Variants in KCNN2 observed in about 807,000 individuals in gnomAD.
KCNN2 encodes potassium calcium-activated channel subfamily N member 2, also known as small conductance calcium-activated potassium channel protein 2.
A neutral mutation model predicts 55.5 loss-of-function variants in KCNN2; 24 were observed. The ratio of observed to expected loss-of-function variants is 0.43; its 90% confidence interval spans 0.31 to 0.61. The LOEUF (loss-of-function observed/expected upper bound fraction) is 0.61. Among genes scored for constraint, KCNN2 ranks in the 20% least tolerant of loss-of-function variants. The pLI, the probability that KCNN2 is intolerant of heterozygous loss-of-function variation, is 0.08. For synonymous variants in KCNN2, 431 were observed against 336.1 expected (o/e 1.28, Z -3.09); for missense variants, 754 against 853.6 (o/e 0.88, Z 1.45).
At chr5:114,142,548 G>T (rs948365851) in intron 1 of KCNN2, among the ~76,000 whole-genome samples, 16 of 152,118 alleles carry the variant, frequency 1.1e-4, no homozygotes, top group African/African-American at 3.9e-4. Flanking sequence ...AATGGGCAAA[G>T]ATCACAGGCA....
At chr5:114,432,573 C>G (rs1759832126) in intron 3 of KCNN2, among the ~76,000 whole-genome samples, 1 of 152,222 alleles carries the variant, frequency 6.6e-6, no homozygotes, top group Non-Finnish European at 1.5e-5. Context: ...TGGGCTCCCA[C>G]TTTGGTGGCA....
At chr5:114,196,021 TC>T (rs1454148880) in intron 1 of KCNN2, among the ~76,000 whole-genome samples, 5 of 152,176 alleles carry the variant, frequency 3.3e-5, no homozygotes, top group African/African-American at 1.2e-4. Flanking sequence ...GGTATGGAGT[TC>T]TCTCAGTACC....
intron 1 of KCNN2, among the ~76,000 whole-genome samples, chr5:114,114,226 T>TA (rs1180752779): frequency 2.0e-5 from 3 of 152,044 alleles, no homozygotes; most frequent in Non-Finnish European, 4.4e-5. Context: ...GGAATTCACT[T>TA]ACTCATCAAA....
At chr5:114,438,179 T>G (rs963502387) in intron 3 of KCNN2, among the ~76,000 whole-genome samples, 3 of 152,200 alleles carry the variant, frequency 2.0e-5, no homozygotes, top group Non-Finnish European at 4.4e-5. Context: ...CTGAGCGTAG[T>G]GATTCCAGTA....
intron 4 of KCNN2, among the ~76,000 whole-genome samples, chr5:114,463,943 A>G (rs1761324007): frequency 6.6e-6 from 1 of 152,200 alleles, no homozygotes; most frequent in Non-Finnish European, 1.5e-5. Flanking sequence ...TGAGGCAAGA[A>G]GGAGCTCAGT....
chr5:114,423,597 T>G (rs1759532893), intron 3 of KCNN2, among the ~76,000 whole-genome samples: 1 of 152,214 alleles, frequency 6.6e-6, no homozygotes, highest in Non-Finnish European at 1.5e-5. Context: ...CCCATTATCT[T>G]ATTTACAAAT....
At position 114,191,693 on chromosome 5, in the gene KCNN2, T is replaced by A. The variant is rs1348945047; in HGVS notation, c.-270-29787T>A. Among the ~76,000 whole-genome samples, 7 of 152,280 alleles carry A rather than the reference T, an allele frequency of 4.6e-5. No homozygotes were observed. In the East Asian group the frequency reaches 1.2e-3, roughly 25 times the overall value. On this transcript the variant is annotated intron_variant, in intron 1 of 10. Transcript: ENST00000512097. ...AAACCACACTGGACATGCTGCTAACTAAGAATGGTAAGGGATTAGGCATTG... is the reference window on the plus strand; with the variant it reads ...AAACCACACTGGACATGCTGCTAACAAAGAATGGTAAGGGATTAGGCATTG...
intron 2 of KCNN2, among the ~76,000 whole-genome samples, chr5:114,311,071 G>T (rs1756383120): frequency 6.6e-6 from 1 of 151,970 alleles, no homozygotes; most frequent in Admixed American, 6.6e-5. Context: ...GCAGTGACTT[G>T]GTGAGATAAG....
At chr5:114,492,647 G>T (rs948155514) in intron 6 of KCNN2, among the ~76,000 whole-genome samples, 1 of 151,820 alleles carries the variant, frequency 6.6e-6, no homozygotes, top group Non-Finnish European at 1.5e-5. Flanking sequence ...TCTTCATCAG[G>T]TATATACAAT....
rs1274261896 is a variant in KCNN2, at chr5:114,379,755, T to A, written c.1218+15754T>A. On this transcript the variant is annotated intron_variant, in intron 2 of 7. Coordinates refer to ENST00000673685, the MANE Select transcript of KCNN2 (RefSeq NM_021614.4). ...ATAGAATATATTATATAACATATTA[T>A]ATATTTATAGAATATATTATATAAC... Among the ~76,000 whole-genome samples the A allele has an allele frequency of 6.4e-5, 8 of 125,508 alleles. 1 individual carries two copies. Among genetic ancestry groups the A allele is most frequent in the Admixed American group, 7.9e-5 (1 of 12,642 alleles). 82.3% of individuals were successfully genotyped at this position (125,508 alleles called of 152,430 possible).
chr5:114,176,859 C>T (rs1753140080), intron 1 of KCNN2, among the ~76,000 whole-genome samples: 1 of 152,156 alleles, frequency 6.6e-6, no homozygotes, highest in Non-Finnish European at 1.5e-5. Flanking sequence ...TTATTTGCAT[C>T]TCTACAAGAT....
At chr5:114,304,625 T>G (rs1308454002) in intron 2 of KCNN2, among the ~76,000 whole-genome samples, 1 of 152,228 alleles carries the variant, frequency 6.6e-6, no homozygotes, top group African/African-American at 2.4e-5. Context: ...CCTAAGGGTC[T>G]GTGCTGCAAT....
At chr5:114,178,039 G>A (rs1214154936) in intron 1 of KCNN2, among the ~76,000 whole-genome samples, 1 of 152,124 alleles carries the variant, frequency 6.6e-6, no homozygotes, top group Non-Finnish European at 1.5e-5. Flanking sequence ...GACAATGAAC[G>A]TCTTCTTAAA....
chr5:114,234,661 A>G (rs1754436398), intron 2 of KCNN2, among the ~76,000 whole-genome samples: 1 of 152,106 alleles, frequency 6.6e-6, no homozygotes, highest in Non-Finnish European at 1.5e-5. Flanking sequence ...ATACTCAGGT[A>G]TATGTGTGTA....
chr5:114,136,743 C>G (rs1406034703), intron 1 of KCNN2, among the ~76,000 whole-genome samples: 1 of 152,202 alleles, frequency 6.6e-6, no homozygotes, highest in Non-Finnish European at 1.5e-5. Context: ...CTTAACCTCT[C>G]TGAGCCTCCC....
chr5:114,141,464 T>C (rs1267753840), intron 1 of KCNN2, among the ~76,000 whole-genome samples: 2 of 152,140 alleles, frequency 1.3e-5, no homozygotes, highest in African/African-American at 4.8e-5. Context: ...CATGAACTCA[T>C]CCTTTTTTAT....
intron 2 of KCNN2, among the ~76,000 whole-genome samples, chr5:114,321,770 A>T (rs902617292): frequency 6.6e-6 from 1 of 152,052 alleles, no homozygotes; most frequent in Admixed American, 6.6e-5. Context: ...CCTGGGCTCA[A>T]GTGATTCTCC....
At position 114,362,934 on chromosome 5, in the gene KCNN2, TGCCGCCGCC is replaced by T; in HGVS notation, c.801_809del (p.Ala268_Ala270del). On this transcript the variant is annotated inframe_deletion, in exon 1 of 8. Coordinates refer to ENST00000673685, the MANE Select transcript of KCNN2 (RefSeq NM_021614.4). ...GCGCGTCCTCCCCGTCTGCAGCCGC[TGCCGCCGCC>T]GCCGCTGTTTCGTCCTCAGCCCCCG... is the stretch of plus-strand genomic sequence containing the variant. 6.4e-7 allele frequency: 1 copy of T among 1,560,874 alleles called. No homozygotes were observed. The highest frequency in any genetic ancestry group is 1.4e-5 in the African/African-American group (1 of 73,828).
intron 1 of KCNN2, among the ~76,000 whole-genome samples, chr5:114,097,489 C>T (rs991310220): frequency 6.6e-6 from 1 of 152,094 alleles, no homozygotes; most frequent in Non-Finnish European, 1.5e-5. Context: ...TCTGAAGTAG[C>T]CTGAAGACAG....
Sources: allele counts gnomAD v4.1 joint callset (sites outside exome capture counted in the v4.1 genomes callset), GRCh38; gene constraint gnomAD v4.1.1; transcripts MANE v1.5; gene names NCBI Gene and HGNC (gene_info 2026-07-23, HGNC 2026-07-21).